Variants in KMT2B observed in about 807,000 individuals in gnomAD.
KMT2B encodes the protein lysine methyltransferase 2B, also known as histone-lysine N-methyltransferase 2B.
KMT2B carries 22 observed loss-of-function variants against 255.3 expected under a neutral mutation model. That is an observed-to-expected ratio of 0.09 (90% CI 0.06 to 0.12). The LOEUF is 0.12. KMT2B is among the 10% of genes least tolerant of loss of function. The pLI, the probability that KMT2B is intolerant of heterozygous loss-of-function variation, is 1.00. For missense variants in KMT2B, 3,149 were observed against 3,737.0 expected (o/e 0.84, Z 4.10); for synonymous variants, 1,730 against 1,498.1 (o/e 1.15, Z -3.57).
rs747503590 is a variant in KMT2B, at chr19:35,732,705, C to G, written c.6156C>G (p.Thr2052=). ...CCCCTGGTCTGGCCCCCAGCGCTAC[C>G]CCTGGAGCCCCCCGCATTGAACAGC... ...VSAPGLAPSA[T]PGAPRIEQLD... is the part of the protein sequence containing the mutation. The change falls in exon 28 of 37, where the codon ACC becomes ACG. Residue 2052 remains threonine (T), a synonymous_variant. Transcript: ENST00000420124. 9.9e-6 allele frequency: 16 copies of G among 1,609,126 alleles called. No homozygotes were observed. Among genetic ancestry groups the G allele is most frequent in the Non-Finnish European group, 1.4e-5 (16 of 1,178,116 alleles).
intron 22 of KMT2B, 86 bp downstream of exon 22, chr19:35,729,382 C>T (rs1568377957): frequency 6.7e-6 from 10 of 1,489,532 alleles, no homozygotes; most frequent in Non-Finnish European, 5.4e-6. Flanking sequence ...CTTCACATTC[C>T]CTACCTGGCA....
chr19:35,736,559 C>G, intron 30 of KMT2B, 131 bp from the exon 31 acceptor site: 1 of 1,052,768 alleles, frequency 9.5e-7, no homozygotes, highest in Admixed American at 2.4e-5. Context: ...AGAAGGAGGG[C>G]CATTAGACCC....
chr19:35,728,291 G>A, intron 19 of KMT2B, 120 bp downstream of exon 19: 1 of 843,040 alleles, frequency 1.2e-6, no homozygotes, highest in Admixed American at 2.4e-5. Context: ...GAGCTGGAGA[G>A]GAGGGTGGTG....
Position 35,737,609 on chromosome 19 carries a change from TCCTCCTTCCCCTGCTG to T in KMT2B, c.7551-24_7551-9del. ...GTTAGCTCTGTCTTCAACAGTATAT[TCCTCCTTCCCCTGCTG>T]CCACCTGCAGGAAGTGCACCTTTGA... On this transcript the variant is annotated splice_polypyrimidine_tract_variant and intron_variant, in intron 33 of 36. Transcript: ENST00000420124. This position sits in a 1 kb window ranked among gnomAD's most constrained non-coding sequence, Gnocchi z 5.3. 6.8e-7 allele frequency: 1 copy of T among 1,460,232 alleles called. No individual in the cohort carries two copies. Among genetic ancestry groups the T allele is most frequent in the Non-Finnish European group, 9.4e-7 (1 of 1,065,878 alleles). The allele number at this position is 1,460,232 out of a possible 1,614,324, so 90.5% of individuals were successfully genotyped here.
At chr19:35,730,317 C>G (rs765263727) in intron 23 of KMT2B, 25 bp from the exon 24 acceptor site, 3 of 1,608,788 alleles carry the variant, frequency 1.9e-6, no homozygotes, top group African/African-American at 1.3e-5. Context: ...ATGCAGCCAC[C>G]TCACTTTGCC....
chr19:35,738,804 TC>T lies in KMT2B; in HGVS notation c.*248del. On this transcript the variant is annotated 3_prime_UTR_variant, in exon 37 of 37. Transcript: ENST00000420124. The surrounding 1 kb of genome is among the most constrained non-coding windows in gnomAD (Gnocchi z 8.7). ...ACAAAGGTTTCTAAATCCCTTCTTT[TC>T]TATGCACTTTTTTATTTAAGAGGTG... is the stretch of plus-strand genomic sequence containing the variant. 5.5e-6 allele frequency: 3 copies of T among 542,058 alleles called. No individual in the cohort carries two copies. The highest frequency in any genetic ancestry group is 6.5e-6 in the Non-Finnish European group (2 of 309,416). The allele number at this position is 542,058 out of a possible 1,614,324, so 33.6% of individuals were successfully genotyped here. A position where few individuals can be genotyped will look rare whatever the true frequency, so the allele number is the denominator to read the frequency against.
In KMT2B at chr19:35,725,351, C is replaced by T. The variant is rs1969392345; in HGVS notation, c.3642+18C>T. 3.2e-6 allele frequency: 5 copies of T among 1,556,100 alleles called. No individual in the cohort carries two copies. The Admixed American group carries it at 9.3e-5, about 29-fold the overall frequency. On this transcript the variant is annotated intron_variant, in intron 11 of 36. Transcript: ENST00000420124. The surrounding 1 kb of genome is among the most constrained non-coding windows in gnomAD (Gnocchi z 4.1). ...TCCACGAGGTTAGATCTCTGCCTTT[C>T]TTCACAGACCCCCAGCTCTCTGTCG...
chr19:35,718,314 G>T lies in KMT2B; in HGVS notation c.296G>T (p.Arg99Leu). ...CGGGGCCGGGGACGGGGTCGGGGCC[G>T]GGGCTGGGGCCCGAGTCGAGGCTGC... ...VQRGRGRGRG[R>L]GWGPSRGCVP... Residue 99 changes from arginine (R) to leucine (L), a missense_variant, in exon 1 of 37, where the codon CGG becomes CTG. Physicochemically the swap from Arg to Leu is moderately radical, Grantham distance 102 (BLOSUM62 -2). Coordinates refer to ENST00000420124, the MANE Select transcript of KMT2B (RefSeq NM_014727.3). This position sits in a 1 kb window ranked among gnomAD's most constrained non-coding sequence, Gnocchi z 5.0. The T allele has an allele frequency of 4.0e-6, 5 of 1,241,740 alleles. No individual in the cohort carries two copies. Among genetic ancestry groups the T allele is most frequent in the Non-Finnish European group, 5.1e-6 (5 of 984,984 alleles). 76.9% of individuals were successfully genotyped at this position (1,241,740 alleles called of 1,614,324 possible).
chr19:35,720,775 C>T lies in KMT2B; in HGVS notation c.1428C>T (p.Pro476=). The stretch of plus-strand genomic sequence containing the variant: ...AGAGGGGCCGGCCTCCCCTGACTCC[C>T]AGCCAGCGGGCGGAGCGGGAAGCTG... ...SRKRGRPPLT[P]SQRAEREAAR... Residue 476 remains proline (P), a synonymous_variant, in exon 3 of 37, where the codon CCC becomes CCT. Transcript: ENST00000420124. 1 of 1,482,546 alleles carries T rather than the reference C, an allele frequency of 6.7e-7. No homozygotes were observed. The highest frequency in any genetic ancestry group is 9.0e-7 in the Non-Finnish European group (1 of 1,113,010). 91.8% of individuals were successfully genotyped at this position (1,482,546 alleles called of 1,614,324 possible). A position where few individuals can be genotyped will look rare whatever the true frequency, so the allele number is the denominator to read the frequency against.
At chr19:35,731,572 G>T (rs1969694502) in intron 26 of KMT2B, among the ~76,000 whole-genome samples, 1 of 152,214 alleles carries the variant, frequency 6.6e-6, no homozygotes, top group Non-Finnish European at 1.5e-5. Context: ...GGGAGCGTCT[G>T]ATGTGGCTTG....
At position 35,721,307 on chromosome 19, in the gene KMT2B, C is replaced by G; in HGVS notation, c.1960C>G (p.Pro654Ala). 6.5e-7 allele frequency: 1 copy of G among 1,549,272 alleles called. No homozygotes were observed. The highest frequency in any genetic ancestry group is 8.7e-7 in the Non-Finnish European group (1 of 1,147,576). The change falls in exon 3 of 37, where the codon CCA becomes GCA. Residue 654 changes from proline (P) to alanine (A), a missense_variant. Transcript: ENST00000420124. ...ACTCCTTCGGGCCCCTCAGTTTACC[C>G]CAAGCGAAGCCCACCTGAAGATCTA... is the stretch of plus-strand genomic sequence containing the variant. ...PLLLRAPQFT[P>A]SEAHLKIYES...
intron 26 of KMT2B, among the ~76,000 whole-genome samples, 196 bp downstream of exon 26, chr19:35,731,063 G>C (rs1056489717): frequency 3.3e-5 from 5 of 152,260 alleles, no homozygotes; most frequent in Non-Finnish European, 7.3e-5. Flanking sequence ...AGTGAGGTGG[G>C]GAGAGCGGCA....
rs372432699 is a variant in KMT2B at position 35,725,376 on chromosome 19, G to C, written c.3642+43G>C. On this transcript the variant is annotated intron_variant, in intron 11 of 36. Transcript: ENST00000420124. The surrounding 1 kb of genome is among the most constrained non-coding windows in gnomAD (Gnocchi z 4.1). ...CTTCACAGACCCCCAGCTCTCTGTC[G>C]GTCCTCACGGCCTGATTCCTTGGGC... The C allele has an allele frequency of 5.8e-6, 9 of 1,563,670 alleles. No homozygotes were observed. In the South Asian group the frequency reaches 1.1e-4, roughly 18 times the overall value.
In KMT2B at chr19:35,727,732, C is replaced by T. The variant is rs1161161079; in HGVS notation, c.4337C>T (p.Pro1446Leu). 2 of 1,613,728 alleles carry T rather than the reference C, an allele frequency of 1.2e-6. No homozygotes were observed. Among genetic ancestry groups the T allele is most frequent in the African/African-American group, 2.7e-5 (2 of 74,936 alleles). Reference protein sequence around the residue: ...GPDGKQLHPGPCGLQAVSQRF... With the variant: ...GPDGKQLHPGLCGLQAVSQRF... ...GATGGGAAGCAACTGCACCCAGGAC[C>T]CTGCGGCCTGCAAGCTGTGAGTCAG... Residue 1446 changes from proline (P) to leucine (L), a missense_variant, in exon 17 of 37, where the codon CCC becomes CTC. Around this residue, in one of 18 missense-constraint regions of KMT2B, gnomAD observed 377 missense variants for 471.0 expected, o/e 0.80. Coordinates refer to ENST00000420124, the MANE Select transcript of KMT2B (RefSeq NM_014727.3). This position sits in a 1 kb window ranked among gnomAD's most constrained non-coding sequence, Gnocchi z 4.2.
chr19:35,724,272 G>A (rs1205747411), intron 8 of KMT2B, among the ~76,000 whole-genome samples: 1 of 152,178 alleles, frequency 6.6e-6, no homozygotes, highest in East Asian at 1.9e-4. Flanking sequence ...AGGCCAAGGT[G>A]GGAGGATCAC....
In KMT2B at chr19:35,737,804, G is replaced by A; in HGVS notation, c.7659-55G>A. On this transcript the variant is annotated intron_variant, in intron 34 of 36. Coordinates refer to ENST00000420124, the MANE Select transcript of KMT2B (RefSeq NM_014727.3). The surrounding 1 kb of genome is among the most constrained non-coding windows in gnomAD (Gnocchi z 5.3). The stretch of plus-strand genomic sequence containing the variant: ...GGAAGGGTCTTAGAGAGTGAGCAGG[G>A]GTGAGAGAGGTCATTCTGAGCACCA... The A allele has an allele frequency of 6.5e-7, 1 of 1,548,438 alleles. No individual in the cohort carries two copies. The highest frequency in any genetic ancestry group is 2.4e-5 in the East Asian group (1 of 41,160).
intron 4 of KMT2B, 41 bp downstream of exon 4, chr19:35,722,513 G>A (rs747606214): frequency 1.3e-6 from 2 of 1,596,934 alleles, no homozygotes; most frequent in Non-Finnish European, 1.7e-6. Context: ...ACTGGCGGGA[G>A]GAGTGGGGCT....
In KMT2B at chr19:35,732,473, C is replaced by T; in HGVS notation, c.5924C>T (p.Pro1975Leu). Residue 1975 changes from proline to leucine, a missense_variant, in exon 28 of 37, where the codon CCA (proline) becomes CTA (leucine). Coordinates refer to ENST00000420124, the MANE Select transcript of KMT2B (RefSeq NM_014727.3). ...CCACCACCCCCTGAAGACCTGGGCC[C>T]AGACTTCGAGGACATGGAGGTGGTG... The part of the protein sequence containing the change: ...PSPPPPEDLG[P>L]DFEDMEVVSG... The T allele has an allele frequency of 6.2e-7, 1 of 1,613,916 alleles. No individual in the cohort carries two copies. The highest frequency in any genetic ancestry group is 2.2e-5 in the East Asian group (1 of 44,884).
At position 35,729,770 on chromosome 19, in the gene KMT2B, T is replaced by C. The variant is rs571942672; in HGVS notation, c.4918-197T>C. Among the ~76,000 whole-genome samples the C allele has an allele frequency of 3.2e-4, 48 of 152,226 alleles. 1 individual carries two copies. Among genetic ancestry groups the C allele is most frequent in the Non-Finnish European group, 2.1e-4 (14 of 68,036 alleles). On this transcript the variant is annotated intron_variant, in intron 22 of 36. Coordinates refer to ENST00000420124, the MANE Select transcript of KMT2B (RefSeq NM_014727.3). ...TAATCACACTAATGCTATCAGCAAG[T>C]ATTGTCATTCTTGCTTCAAAGAACC...
Sources: allele counts gnomAD v4.1 joint callset (sites outside exome capture counted in the v4.1 genomes callset), GRCh38; gene constraint gnomAD v4.1.1; regional missense constraint gnomAD v4.1.1; non-coding constraint Gnocchi (gnomAD v3.1); transcripts MANE v1.5; gene names NCBI Gene and HGNC (gene_info 2026-07-23, HGNC 2026-07-21).